The following CNTLN variants were observed in gnomAD, a reference collection of about 807,000 sequenced individuals.
CNTLN encodes the protein centlein, also known as centlein, centrosomal protein.
CNTLN carries 212 observed loss-of-function variants against 180.0 expected under a neutral mutation model. The ratio of observed to expected loss-of-function variants is 1.18; its 90% CI spans 1.05 to 1.32. The LOEUF is 1.32. Ranked by LOEUF, CNTLN falls within the 40% of genes most tolerant of loss-of-function variation. CNTLN has a pLI of 0.00. For synonymous variants in CNTLN, 722 were observed against 563.1 expected, an observed-to-expected ratio of 1.28 and a Z score of -3.99; for missense variants, 2,095 against 1,610.9, an observed-to-expected ratio of 1.30 and a Z score of -5.14.
chr9:17,332,443 C>G (rs1032767855), intron 9 of CNTLN, among the ~76,000 whole-genome samples, 162 bp from the exon 10 acceptor site: 1 of 151,660 alleles, frequency 6.6e-6, no homozygotes, highest in African/African-American at 2.4e-5. Context: ...AGCGGTAGCA[C>G]TGTGGTAATT....
chr9:17,515,778 T>A, the CNTLN span, among the ~76,000 whole-genome samples: 2 of 152,326 alleles, frequency 1.3e-5, no homozygotes, highest in East Asian at 3.9e-4. Context: ...TCACTTTAAT[T>A]GGTCTCCCTG....
At chr9:17,403,348 C>G (rs1376548898) in intron 15 of CNTLN, among the ~76,000 whole-genome samples, 2 of 151,732 alleles carry the variant, frequency 1.3e-5, no homozygotes, top group Non-Finnish European at 2.9e-5. Flanking sequence ...TCCTTGCAAG[C>G]TTTTGAACAA....
At chr9:17,279,914 G>C (rs569702808) in intron 6 of CNTLN, among the ~76,000 whole-genome samples, 2 of 149,892 alleles carry the variant, frequency 1.3e-5, no homozygotes, top group Non-Finnish European at 3.0e-5. Context: ...ATGGGAATGC[G>C]ACTGTTGGCC....
chr9:17,409,069 G>C (rs1355561141), intron 15 of CNTLN, among the ~76,000 whole-genome samples: 2 of 152,140 alleles, frequency 1.3e-5, no homozygotes, highest in Non-Finnish European at 2.9e-5. Flanking sequence ...GATGTTAGTA[G>C]GGATTTGAAA....
At chr9:17,241,302 A>G (rs1825478421) in intron 5 of CNTLN, among the ~76,000 whole-genome samples, 2 of 152,194 alleles carry the variant, frequency 1.3e-5, no homozygotes, top group Non-Finnish European at 2.9e-5. Context: ...CAGCACAGTT[A>G]ACTGAAGACA....
chr9:17,414,293 C>A (rs910365780), intron 16 of CNTLN, among the ~76,000 whole-genome samples: 1 of 152,168 alleles, frequency 6.6e-6, no homozygotes, highest in African/African-American at 2.4e-5. Context: ...GTTAGAAATA[C>A]ACTTTAAGTG....
At chr9:17,427,411 A>T (rs531529037) in intron 18 of CNTLN, among the ~76,000 whole-genome samples, 1 of 151,712 alleles carries the variant, frequency 6.6e-6, no homozygotes, top group Admixed American at 6.6e-5. Context: ...TAGATAGTTT[A>T]AAAAAAATTT....
chr9:17,445,129 C>T (rs1411901490), intron 18 of CNTLN, among the ~76,000 whole-genome samples: 6 of 151,610 alleles, frequency 4.0e-5, no homozygotes, highest in African/African-American at 1.5e-4. Flanking sequence ...TATCTTGAAC[C>T]TTATGAAATT....
intron 25 of CNTLN, among the ~76,000 whole-genome samples, chr9:17,501,208 G>T (rs756519383): frequency 7.2e-5 from 11 of 152,126 alleles, no homozygotes; most frequent in Non-Finnish European, 1.2e-4. Context: ...TTTCTTTAGT[G>T]GTAAGTTTCA....
At chr9:17,439,964 A>G (rs1356225093) in intron 18 of CNTLN, among the ~76,000 whole-genome samples, 1 of 152,220 alleles carries the variant, frequency 6.6e-6, no homozygotes, top group Non-Finnish European at 1.5e-5. Context: ...AGTCTATGAT[A>G]ATTTATTATA....
At chr9:17,507,152 C>T (rs1285282289), downstream of CNTLN, among the ~76,000 whole-genome samples, 2 of 152,158 alleles carry the variant, frequency 1.3e-5, no homozygotes, top group Non-Finnish European at 2.9e-5. Flanking sequence ...CTTTTCCCCA[C>T]TTTTGGAATC....
Position 17,466,785 on chromosome 9 carries a change from A to C in CNTLN, c.3749A>C (p.Lys1250Thr), listed in dbSNP as rs1831775660. ...AMAEIETAAS[K>T]QLQELALQSE... ...GCAGAAATTGAAACAGCAGCATCTA[A>C]GCAGCTTCAAGAATTAGCATTGCAA... is the stretch of plus-strand genomic sequence containing the variant. The change falls in exon 23 of 26, where the codon AAG becomes ACG. Residue 1250 changes from lysine to threonine, a missense_variant. Physicochemically the swap from Lys to Thr is moderately conservative, Grantham distance 78. Transcript: ENST00000380647. 2 of 1,610,914 alleles carry C rather than the reference A, an allele frequency of 1.2e-6. No homozygotes were observed. Among genetic ancestry groups the C allele is most frequent in the Non-Finnish European group, 1.7e-6 (2 of 1,177,948 alleles).
chr9:17,526,668 C>T, the CNTLN span, among the ~76,000 whole-genome samples: 1 of 152,198 alleles, frequency 6.6e-6, no homozygotes, highest in Non-Finnish European at 1.5e-5. Context: ...TTCTTTCACT[C>T]TTTCATTAGC....
rs947906652 is a variant in CNTLN at position 17,502,842 on chromosome 9, A to T, written c.*190A>T. ...CTAATTAAGTACATAGCCATTTAAA[A>T]GGAAATAGTGTAGCATCTGATGGTC... On this transcript the variant is annotated 3_prime_UTR_variant, in exon 26 of 26. Transcript: ENST00000380647. 15 of 324,354 alleles carry T rather than the reference A, an allele frequency of 4.6e-5. No homozygotes were observed. The South Asian group carries it at 1.0e-3, about 22-fold the overall frequency. The allele number at this position is 324,354 out of a possible 1,614,324, so 20.1% of individuals were successfully genotyped here. A position where few individuals can be genotyped will look rare whatever the true frequency, so the allele number is the denominator to read the frequency against.
At chr9:17,291,436 G>A (rs1390201973) in intron 6 of CNTLN, among the ~76,000 whole-genome samples, 4 of 152,152 alleles carry the variant, frequency 2.6e-5, no homozygotes, top group African/African-American at 9.7e-5. Flanking sequence ...TTGTGTGGGA[G>A]TCTAAGTGTC....
chr9:17,215,672 G>A (rs960439897), intron 2 of CNTLN, among the ~76,000 whole-genome samples: 4 of 152,136 alleles, frequency 2.6e-5, no homozygotes, highest in Non-Finnish European at 5.9e-5. Flanking sequence ...GAGGCTGGCA[G>A]GCCTCCTTGA....
the CNTLN span, among the ~76,000 whole-genome samples, chr9:17,527,673 G>A: frequency 1.3e-5 from 2 of 152,150 alleles, no homozygotes; most frequent in African/African-American, 4.8e-5. Flanking sequence ...TGGAGGTAAA[G>A]GCACTGGAGT....
chr9:17,226,132 A>T, intron 2 of CNTLN, 71 bp from the exon 3 acceptor site: 1 of 722,476 alleles, frequency 1.4e-6, no homozygotes, highest in Non-Finnish European at 2.2e-6. Context: ...TGATATTAAT[A>T]TTTGGGATAT....
intron 12 of CNTLN, among the ~76,000 whole-genome samples, chr9:17,345,504 T>A (rs1207620356): frequency 1.3e-5 from 2 of 151,944 alleles, no homozygotes; most frequent in African/African-American, 4.8e-5. Flanking sequence ...TTATTTTTTC[T>A]GTAGAGTTTT....
Sources: gnomAD v4.1 joint callset for allele counts (sites outside exome capture counted in the v4.1 genomes callset) on GRCh38, gnomAD v4.1.1 for gene constraint, MANE v1.5 for transcripts, NCBI Gene and HGNC (gene_info 2026-07-23, HGNC 2026-07-21) for gene names.